CDKAL1: variants seen among roughly 807,000 people sequenced by gnomAD.
The protein encoded by CDKAL1 is threonylcarbamoyladenosine tRNA methylthiotransferase.
A neutral mutation model predicts 68.2 loss-of-function variants in CDKAL1; 32 were observed. That is an observed-to-expected ratio of 0.47 (90% CI 0.35 to 0.63). The LOEUF (loss-of-function observed/expected upper bound fraction) is 0.63. Among genes scored for constraint, CDKAL1 ranks in the 30% least tolerant of loss-of-function variants. The pLI is 0.00. For missense variants in CDKAL1, 606 were observed against 696.7 expected (o/e 0.87, Z 1.47); for synonymous variants, 234 against 244.3 (o/e 0.96, Z 0.39).
intron 8 of CDKAL1, among the ~76,000 whole-genome samples, chr6:20,789,945 T>A (rs924543157): frequency 6.6e-6 from 1 of 152,228 alleles, no homozygotes; most frequent in African/African-American, 2.4e-5. Context: ...GAATGTTGAT[T>A]TGTTTTTTTG....
intron 5 of CDKAL1, among the ~76,000 whole-genome samples, chr6:20,662,270 A>G (rs1379149320): frequency 6.6e-6 from 1 of 152,140 alleles, no homozygotes; most frequent in Non-Finnish European, 1.5e-5. Flanking sequence ...TTTCTTACTT[A>G]TGGTTACACT....
chr6:20,940,894 T>A lies in CDKAL1; in HGVS notation c.743-14525T>A, dbSNP rs550216505. Among the ~76,000 whole-genome samples, 13 of 152,154 alleles carry A rather than the reference T, an allele frequency of 8.5e-5. No homozygotes were observed. In the Middle Eastern group the frequency reaches 0.01, roughly 119 times the overall value. Reference sequence around the variant, plus strand: ...TCACGAGGTCAGGAGATCAAGACCATCCTGGCTAACACAGTGAAACCGCGT... The same window carrying A: ...TCACGAGGTCAGGAGATCAAGACCAACCTGGCTAACACAGTGAAACCGCGT... On this transcript the variant is annotated intron_variant, in intron 9 of 15. Transcript: ENST00000274695.
chr6:20,961,130 A>G (rs1463670071), intron 10 of CDKAL1, among the ~76,000 whole-genome samples: 1 of 152,172 alleles, frequency 6.6e-6, no homozygotes, highest in Admixed American at 6.5e-5. Flanking sequence ...TATTTAAGAC[A>G]CATGCATGCA....
rs556176000 is a variant in CDKAL1, at chr6:20,896,595, A to G, written c.742+50417A>G. On this transcript the variant is annotated intron_variant, in intron 9 of 15. Coordinates refer to ENST00000274695, the MANE Select transcript of CDKAL1 (RefSeq NM_017774.3). ...AAAGAATACTTATTTTAAATCAATA[A>G]TGAAAACCATGGTTTGAGTTTTTTG... Among the ~76,000 whole-genome samples, 3 of 152,360 alleles carry G rather than the reference A, an allele frequency of 2.0e-5. No homozygotes were observed. In the South Asian group the frequency reaches 6.2e-4, roughly 32 times the overall value.
At chr6:21,033,225 A>G (rs1052135671) in intron 11 of CDKAL1, among the ~76,000 whole-genome samples, 1 of 152,194 alleles carries the variant, frequency 6.6e-6, no homozygotes, top group African/African-American at 2.4e-5. Flanking sequence ...AGCTGTTGCA[A>G]TATTTTCCCA....
At chr6:20,854,960 C>G (rs1040579637) in intron 9 of CDKAL1, among the ~76,000 whole-genome samples, 2 of 152,250 alleles carry the variant, frequency 1.3e-5, no homozygotes, top group South Asian at 4.1e-4. Flanking sequence ...AATCAAGCAA[C>G]AGTTTTGACT....
chr6:21,169,913 C>T (rs369596492), intron 13 of CDKAL1, among the ~76,000 whole-genome samples: 7 of 95,984 alleles, frequency 7.3e-5, no homozygotes, highest in African/African-American at 3.1e-4. Flanking sequence ...CAGAACAGTA[C>T]GGGAAAGACC....
rs1042900937 is a variant in CDKAL1 at position 20,585,202 on chromosome 6, G to A, written c.286+36497G>A. On this transcript the variant is annotated intron_variant, in intron 4 of 15. Coordinates refer to ENST00000274695, the MANE Select transcript of CDKAL1 (RefSeq NM_017774.3). ...CTCCCCAGTAGCTGGGACTACAGGC[G>A]CCCACCACCATGCTAATTTTTTTTT... 9.9e-5 allele frequency among the ~76,000 whole-genome samples: 15 copies of A among 151,834 alleles called. No individual in the cohort carries two copies. The South Asian group carries it at 1.7e-3, about 17-fold the overall frequency.
intron 8 of CDKAL1, among the ~76,000 whole-genome samples, chr6:20,811,897 A>G (rs994985214): frequency 1.3e-5 from 2 of 151,932 alleles, no homozygotes; most frequent in Non-Finnish European, 2.9e-5. Context: ...AAAAATGTCT[A>G]TCAAACAATT....
At chr6:20,913,288 C>T (rs1762557173) in intron 9 of CDKAL1, among the ~76,000 whole-genome samples, 1 of 152,182 alleles carries the variant, frequency 6.6e-6, no homozygotes, top group South Asian at 2.1e-4. Context: ...CATCCAAAGA[C>T]TCACATGGGG....
chr6:20,750,951 G>GAAAAAAAAAAAAAAAAAA (rs59244637), intron 6 of CDKAL1, among the ~76,000 whole-genome samples: 1 of 47,074 alleles, frequency 2.1e-5, no homozygotes, highest in African/African-American at 9.7e-5. Context: ...GCAACAGAGT[G>GAAAAAAAAAAAAAAAAAA]AAAAAAAAAA....
At chr6:20,612,664 G>T (rs1479179517) in intron 4 of CDKAL1, among the ~76,000 whole-genome samples, 1 of 151,910 alleles carries the variant, frequency 6.6e-6, no homozygotes, top group Non-Finnish European at 1.5e-5. Flanking sequence ...GGAATAGCTT[G>T]CTAATATTTT....
intron 9 of CDKAL1, among the ~76,000 whole-genome samples, chr6:20,862,466 G>A (rs527409656): frequency 6.6e-6 from 1 of 152,200 alleles, no homozygotes; most frequent in South Asian, 2.1e-4. Context: ...AATTAAAATA[G>A]TATAATACTA....
chr6:20,994,713 A>C (rs1029541397), intron 10 of CDKAL1, among the ~76,000 whole-genome samples: 4 of 152,246 alleles, frequency 2.6e-5, no homozygotes, highest in African/African-American at 9.6e-5. Flanking sequence ...TGTTTATACT[A>C]TATTATAGTC....
chr6:21,231,230 A>T lies in CDKAL1; in HGVS notation c.*191A>T. 1 of 452,566 alleles carries T rather than the reference A, an allele frequency of 2.2e-6. No homozygotes were observed. Among genetic ancestry groups the T allele is most frequent in the East Asian group, 3.1e-5 (1 of 31,796 alleles). 28.0% of individuals were successfully genotyped at this position (452,566 alleles called of 1,614,324 possible). On this transcript the variant is annotated 3_prime_UTR_variant, in exon 16 of 16. Transcript: ENST00000274695. ...GTTGGGCCCATTGGTTATTTGACCT[A>T]AAACCTAATCACCGCTACCATAGCA...
chr6:20,721,373 TG>T (rs1390518514), intron 5 of CDKAL1, among the ~76,000 whole-genome samples: 1 of 152,194 alleles, frequency 6.6e-6, no homozygotes, highest in Non-Finnish European at 1.5e-5. Context: ...GATGGACATT[TG>T]GGTTGGTTCC....
chr6:20,805,741 T>G (rs539522691), intron 8 of CDKAL1, among the ~76,000 whole-genome samples: 1 of 152,120 alleles, frequency 6.6e-6, no homozygotes, highest in East Asian at 1.9e-4. Flanking sequence ...AAAACGAAAA[T>G]GAGACTATAA....
chr6:21,196,115 T>C (rs890228778), intron 13 of CDKAL1, among the ~76,000 whole-genome samples: 2 of 152,208 alleles, frequency 1.3e-5, no homozygotes, highest in Admixed American at 6.5e-5. Context: ...TGATGGGCCT[T>C]ACTCTCCACG....
intron 4 of CDKAL1, among the ~76,000 whole-genome samples, chr6:20,610,052 A>T (rs569417657): frequency 1.4e-4 from 21 of 152,154 alleles, no homozygotes; most frequent in African/African-American, 4.1e-4. Context: ...TCCTGTGTCA[A>T]GTTTGCTAAG....
Sources: gnomAD v4.1 joint callset for allele counts (sites outside exome capture counted in the v4.1 genomes callset) on GRCh38, gnomAD v4.1.1 for gene constraint, MANE v1.5 for transcripts, NCBI Gene and HGNC (gene_info 2026-07-23, HGNC 2026-07-21) for gene names.